GPHN: variants seen among roughly 807,000 people sequenced by gnomAD.
The protein encoded by GPHN is gephyrin.
GPHN carries 17 observed loss-of-function variants against 95.5 expected under a neutral mutation model. That is an observed-to-expected ratio of 0.18 (90% CI 0.12 to 0.27). The LOEUF (loss-of-function observed/expected upper bound fraction) is 0.27, where lower values mean the gene tolerates loss of function less well. Among genes scored for constraint, GPHN ranks in the 10% least tolerant of loss-of-function variants. The probability of loss-of-function intolerance (pLI) is 1.00; values close to 1 mark genes in which losing one functional copy is unlikely to be tolerated. For synonymous variants in GPHN, 320 were observed against 322.5 expected, an observed-to-expected ratio of 0.99 and a Z score of 0.08; for missense variants, 660 against 978.1, an observed-to-expected ratio of 0.67 and a Z score of 4.34.
At chr14:66,695,108 G>A (rs1422760867) in intron 2 of GPHN, among the ~76,000 whole-genome samples, 2 of 152,024 alleles carry the variant, frequency 1.3e-5, no homozygotes, top group African/African-American at 2.4e-5. Context: ...TCAGTGAGCC[G>A]AGAACATGCC....
At chr14:67,028,890 T>G (rs1012908049) in intron 10 of GPHN, among the ~76,000 whole-genome samples, 1 of 152,232 alleles carries the variant, frequency 6.6e-6, no homozygotes, top group Non-Finnish European at 1.5e-5. Flanking sequence ...TTGTCTGTTT[T>G]TCTTTTGTTG....
the GPHN span, among the ~76,000 whole-genome samples, chr14:67,202,179 G>T: frequency 6.6e-6 from 1 of 152,312 alleles, no homozygotes; most frequent in African/African-American, 2.4e-5. Flanking sequence ...AGCGGCTCAC[G>T]CCTGTAATCC....
At position 66,973,142 on chromosome 14, in the gene GPHN, A is replaced by G. The variant is rs2153593162; in HGVS notation, c.963+7817A>G. ...AAATGATGGCTATTGAATCCTTTAT[A>G]TATATATTTTTTTTCCATAGAAGCA... On this transcript the variant is annotated intron_variant, in intron 9 of 22. Coordinates refer to ENST00000478722, the MANE Select transcript of GPHN (RefSeq NM_020806.5). Among the ~76,000 whole-genome samples the G allele has an allele frequency of 2.0e-5, 3 of 152,198 alleles. No individual in the cohort carries two copies. The Middle Eastern group carries it at 0.01, about 518-fold the overall frequency.
the GPHN span, among the ~76,000 whole-genome samples, chr14:67,478,030 T>A: frequency 1.3e-5 from 2 of 152,222 alleles, no homozygotes; most frequent in Non-Finnish European, 2.9e-5. Flanking sequence ...AATAAAGACA[T>A]TTCTTAGTTA....
chr14:67,593,681 C>G, the GPHN span: 1 of 915,652 alleles, frequency 1.1e-6, no homozygotes, highest in African/African-American at 1.6e-5. Flanking sequence ...AATCTGGGAA[C>G]ATCCCATGGG....
the GPHN span, among the ~76,000 whole-genome samples, chr14:67,566,487 G>T: frequency 6.6e-6 from 1 of 152,158 alleles, no homozygotes; most frequent in Non-Finnish European, 1.5e-5. Flanking sequence ...GCTCACACCT[G>T]TAATCCCAGC....
intron 1 of GPHN, among the ~76,000 whole-genome samples, chr14:66,576,057 A>T (rs1306452880): frequency 2.0e-5 from 3 of 152,048 alleles, no homozygotes; most frequent in Non-Finnish European, 4.4e-5. Flanking sequence ...GCAGGCCTAG[A>T]TGTTGGGTCT....
At chr14:66,733,575 T>G (rs1273436044) in intron 2 of GPHN, among the ~76,000 whole-genome samples, 1 of 152,194 alleles carries the variant, frequency 6.6e-6, no homozygotes, top group Non-Finnish European at 1.5e-5. Context: ...TTGCTATAGA[T>G]CTACTGATTA....
At chr14:66,845,345 GAGC>G (rs2062273861) in intron 4 of GPHN, among the ~76,000 whole-genome samples, 1 of 152,064 alleles carries the variant, frequency 6.6e-6, no homozygotes, top group Admixed American at 6.6e-5. Flanking sequence ...ATGATATTAG[GAGC>G]AGAAGAAATT....
the GPHN span, among the ~76,000 whole-genome samples, chr14:67,602,551 G>T: frequency 2.0e-5 from 3 of 152,230 alleles, no homozygotes; most frequent in African/African-American, 7.2e-5. Context: ...ATCACTCAGA[G>T]ATAAGTACTG....
intron 20 of GPHN, among the ~76,000 whole-genome samples, chr14:67,166,515 C>T (rs978829826): frequency 1.3e-5 from 2 of 152,106 alleles, no homozygotes; most frequent in African/African-American, 4.8e-5. Flanking sequence ...AATTTGAAAC[C>T]TTATCTGCTC....
chr14:67,688,915 GAAC>G, the GPHN span, among the ~76,000 whole-genome samples: 3 of 152,242 alleles, frequency 2.0e-5, no homozygotes, highest in South Asian at 2.1e-4. Flanking sequence ...CCAGTGCACG[GAAC>G]AACATGGGCA....
the GPHN span, among the ~76,000 whole-genome samples, chr14:67,620,267 A>G: frequency 7.0e-6 from 1 of 141,970 alleles, no homozygotes; most frequent in African/African-American, 2.5e-5. Context: ...ATCCTCCGAC[A>G]GAGAATGGAG....
At chr14:67,362,005 CTTT>C in the GPHN span, among the ~76,000 whole-genome samples, 2 of 140,500 alleles carry the variant, frequency 1.4e-5, no homozygotes, top group Admixed American at 1.4e-4. Context: ...AGGTAAGAGT[CTTT>C]TTTTTTTTTC....
At chr14:67,577,771 G>GT in the GPHN span, among the ~76,000 whole-genome samples, 3,190 of 151,884 alleles carry the variant, frequency 0.021, 109 homozygotes, top group South Asian at 0.098. Flanking sequence ...TTTTGTTTTT[G>GT]TTTTTTTTAA....
At chr14:66,923,018 C>A in intron 7 of GPHN, 80 bp downstream of exon 7, 1 of 1,194,942 alleles carries the variant, frequency 8.4e-7, no homozygotes, top group South Asian at 1.2e-5. Flanking sequence ...GCATCGCATC[C>A]CTCCCTACAT....
intron 21 of GPHN, among the ~76,000 whole-genome samples, chr14:67,177,521 G>A (rs1213678144): frequency 1.2e-4 from 19 of 152,192 alleles, no homozygotes; most frequent in Admixed American, 1.2e-3. Context: ...TTTAGAATCA[G>A]TGCGATGTGT....
At chr14:67,320,435 A>T in the GPHN span, 2 of 1,534,414 alleles carry the variant, frequency 1.3e-6, no homozygotes, top group Non-Finnish European at 8.8e-7. Context: ...TGTGCTTTTC[A>T]ATTTACCAGC....
the GPHN span, among the ~76,000 whole-genome samples, chr14:67,707,668 G>C: frequency 1.3e-5 from 2 of 152,094 alleles, no homozygotes; most frequent in African/African-American, 4.8e-5. Flanking sequence ...TTTTTACATA[G>C]GCTTTTAAAT....
Sources: allele counts gnomAD v4.1 joint callset (sites outside exome capture counted in the v4.1 genomes callset), GRCh38; gene constraint gnomAD v4.1.1; transcripts MANE v1.5; gene names NCBI Gene and HGNC (gene_info 2026-07-23, HGNC 2026-07-21).